ENOX2: variants seen among roughly 807,000 people sequenced by gnomAD.
ENOX2 encodes the protein APK1 antigen.
A neutral mutation model predicts 45.0 loss-of-function variants in ENOX2; 36 were observed. That is an observed-to-expected ratio of 0.80 (90% CI 0.61 to 1.06). The LOEUF is 1.06. Among genes scored for constraint, ENOX2 ranks in the 50% least tolerant of loss-of-function variants. ENOX2 has a pLI of 0.00. For synonymous variants in ENOX2, 174 were observed against 152.3 expected, an observed-to-expected ratio of 1.14 and a Z score of -1.05; for missense variants, 423 against 462.5, an observed-to-expected ratio of 0.91 and a Z score of 0.78.
At chrX:130,640,725 G>A (rs2036057757) in intron 10 of ENOX2, among the ~76,000 whole-genome samples, 1 of 111,254 alleles carries the variant, frequency 9.0e-6, no homozygotes, top group Non-Finnish European at 1.9e-5. Context: ...ACACATGGGA[G>A]GGAACAACAC....
chrX:130,732,859 C>T (rs2038770594), intron 3 of ENOX2, among the ~76,000 whole-genome samples: 1 of 111,632 alleles, frequency 9.0e-6, no homozygotes, highest in African/African-American at 3.3e-5. Flanking sequence ...TATTTTACAC[C>T]ATACACAAAA....
intron 2 of ENOX2, among the ~76,000 whole-genome samples, chrX:130,842,795 A>G (rs2078037780): frequency 9.0e-6 from 1 of 111,153 alleles, no homozygotes; most frequent in East Asian, 2.8e-4. Context: ...CTTAAGTGCC[A>G]GTGTTTTCTA....
rs1050574912 is a variant in ENOX2 at position 130,836,059 on chromosome X, G to T, written c.-182-52369C>A. Among the ~76,000 whole-genome samples the T allele has an allele frequency of 4.5e-5, 5 of 112,233 alleles. No homozygotes were observed. The East Asian group carries it at 1.4e-3, about 31-fold the overall frequency. On this transcript the variant is annotated intron_variant, in intron 2 of 14. Coordinates refer to ENST00000394363, the MANE Select transcript of ENOX2 (RefSeq NM_006375.4). ...CTTCACTAAAAATGACAGTCTGCAA[G>T]TATTTTGGACCTCCAGGTCGAGGCT... is the stretch of plus-strand genomic sequence containing the variant.
chrX:130,869,094 T>C (rs1033302943), intron 2 of ENOX2, among the ~76,000 whole-genome samples: 12 of 111,625 alleles, frequency 1.1e-4, no homozygotes, highest in Non-Finnish European at 1.5e-4. Context: ...CTGTGACATC[T>C]AGTAACTAAA....
At chrX:130,631,414 C>A in intron 13 of ENOX2, 54 bp downstream of exon 13, 1 of 668,563 alleles carries the variant, frequency 1.5e-6, no homozygotes, top group South Asian at 2.3e-5. Context: ...AAGCCCTCCT[C>A]TCCTCCATTG....
At chrX:130,738,052 C>A (rs1321051330) in intron 3 of ENOX2, among the ~76,000 whole-genome samples, 1 of 111,761 alleles carries the variant, frequency 8.9e-6, no homozygotes, top group African/African-American at 3.3e-5. Context: ...CATCAGTTAC[C>A]TTGAAATGTA....
At chrX:130,861,294 A>G (rs2078404017) in intron 2 of ENOX2, among the ~76,000 whole-genome samples, 2 of 111,928 alleles carry the variant, frequency 1.8e-5, no homozygotes, top group African/African-American at 6.5e-5. Flanking sequence ...TCTTGAAGAG[A>G]TATCTACACT....
intron 2 of ENOX2, among the ~76,000 whole-genome samples, chrX:130,821,078 T>G: frequency 8.9e-6 from 1 of 112,183 alleles, no homozygotes; most frequent in Non-Finnish European, 1.9e-5. Context: ...CAACTTTTAT[T>G]TGTTAATTAA....
intron 3 of ENOX2, among the ~76,000 whole-genome samples, chrX:130,759,577 CAAAAAAAAAAAAAA>C (rs753411112): frequency 3.5e-3 from 69 of 19,939 alleles, no homozygotes; most frequent in African/African-American, 0.011. Flanking sequence ...GACTATGTAC[CAAAAAAAAAAAAAA>C]AAAAAAAAAA....
intron 2 of ENOX2, among the ~76,000 whole-genome samples, chrX:130,899,804 C>A (rs1489784069): frequency 8.9e-6 from 1 of 112,012 alleles, no homozygotes; most frequent in Non-Finnish European, 1.9e-5. Context: ...CCATTGTAAT[C>A]TTAATGAACA....
Position 130,624,305 on chromosome X carries a change from G to A in ENOX2, c.*1009C>T, listed in dbSNP as rs1368617535. 2 of 112,674 alleles carry A rather than the reference G, an allele frequency of 1.8e-5. No homozygotes were observed. The highest frequency in any genetic ancestry group is 3.2e-5 in the African/African-American group (1 of 30,944). The allele number at this position is 112,674 out of a possible 1,213,427, so 9.3% of individuals were successfully genotyped here. On this transcript the variant is annotated 3_prime_UTR_variant, in exon 15 of 15. Transcript: ENST00000394363. ...AACCCTAGCTCATTATTTATTCATT[G>A]ATTCATTACTATTAATACTTATATC...
In ENOX2 at chrX:130,794,294, GGACA is replaced by G. The variant is rs748636490; in HGVS notation, c.-182-10608_-182-10605del. 3.9e-3 allele frequency among the ~76,000 whole-genome samples: 436 copies of G among 112,541 alleles called. 3 individuals are homozygous for G. The highest frequency in any genetic ancestry group is 0.014 in the African/African-American group (420 of 31,008). ...AATAATTGCAGATTTCAGAGCCTGA[GGACA>G]GAGAGTTGTTCTAGTATTGAAATTG... On this transcript the variant is annotated intron_variant, in intron 2 of 14. Coordinates refer to ENST00000394363, the MANE Select transcript of ENOX2 (RefSeq NM_006375.4).
At position 130,832,440 on chromosome X, in the gene ENOX2, T is replaced by TACACAC. The variant is rs61623401; in HGVS notation, c.-182-48756_-182-48751dup. ...CCTTACACACACACACACACACACA[T>TACACAC]ACACACACACACACACACACACACA... On this transcript the variant is annotated intron_variant, in intron 2 of 14. Coordinates refer to ENST00000394363, the MANE Select transcript of ENOX2 (RefSeq NM_006375.4). Among the ~76,000 whole-genome samples, 581 of 91,037 alleles carry TACACAC rather than the reference T, an allele frequency of 6.4e-3. 6 individuals carry two copies. The highest frequency in any genetic ancestry group is 0.05 in the South Asian group (94 of 1,874). 79.1% of individuals were successfully genotyped at this position (91,037 alleles called of 115,157 possible).
chrX:130,644,043 T>A (rs1176358775), intron 10 of ENOX2, among the ~76,000 whole-genome samples: 2 of 111,548 alleles, frequency 1.8e-5, no homozygotes, highest in Non-Finnish European at 3.8e-5. Flanking sequence ...TAGCTGGAAA[T>A]TCCCCAAATA....
intron 2 of ENOX2, among the ~76,000 whole-genome samples, chrX:130,873,900 G>A (rs1385736506): frequency 3.6e-5 from 4 of 109,732 alleles, no homozygotes; most frequent in African/African-American, 1.3e-4. Flanking sequence ...GTCAGGGGGT[G>A]GGGGACTAGG....
intron 10 of ENOX2, among the ~76,000 whole-genome samples, chrX:130,655,687 T>C (rs2036527678): frequency 8.9e-6 from 1 of 111,990 alleles, no homozygotes; most frequent in South Asian, 3.8e-4. Flanking sequence ...CAGGCTGGAG[T>C]GCAATGGTGC....
At chrX:130,736,828 C>T (rs1396294448) in intron 3 of ENOX2, among the ~76,000 whole-genome samples, 5 of 111,549 alleles carry the variant, frequency 4.5e-5, no homozygotes, top group Non-Finnish European at 9.4e-5. Context: ...ATCACTGGAG[C>T]GTCTCATTTT....
chrX:130,645,624 G>C (rs2036208033), intron 10 of ENOX2: 7 of 387,799 alleles, frequency 1.8e-5, no homozygotes, highest in Non-Finnish European at 3.1e-5. Flanking sequence ...GCAGGCCATG[G>C]GGCCCGCGCC....
At chrX:130,709,678 A>T (rs1167124879) in intron 3 of ENOX2, among the ~76,000 whole-genome samples, 5 of 109,587 alleles carry the variant, frequency 4.6e-5, no homozygotes, top group Non-Finnish European at 9.5e-5. Context: ...AAAAGAAAAA[A>T]GAAAAAGAAA....
Sources: allele counts gnomAD v4.1 joint callset (sites outside exome capture counted in the v4.1 genomes callset), GRCh38; gene constraint gnomAD v4.1.1; transcripts MANE v1.5; gene names NCBI Gene and HGNC (gene_info 2026-07-23, HGNC 2026-07-21).